VRK2: variants seen among roughly 807,000 people sequenced by gnomAD.
VRK2 encodes serine/threonine-protein kinase VRK2.
A neutral mutation model predicts 57.6 loss-of-function variants in VRK2; 60 were observed. The observed-to-expected ratio is 1.04, with a 90% CI of 0.85 to 1.29. The LOEUF is 1.29. Ranked by LOEUF, VRK2 falls within the 50% of genes most tolerant of loss-of-function variation. The pLI, the probability that VRK2 is intolerant of heterozygous loss-of-function variation, is 0.00. For missense variants in VRK2, 705 were observed against 588.1 expected (o/e 1.20, Z -2.06); for synonymous variants, 231 against 199.2 (o/e 1.16, Z -1.35).
chr2:58,026,325 A>G (rs535640094), intron 2 of VRK2, among the ~76,000 whole-genome samples: 3 of 152,062 alleles, frequency 2.0e-5, no homozygotes, highest in African/African-American at 7.2e-5. Flanking sequence ...TGAGAAAGAG[A>G]AAGTGAGGGA....
intron 3 of VRK2, among the ~76,000 whole-genome samples, chr2:58,035,041 T>C (rs576042188): frequency 6.6e-6 from 1 of 152,108 alleles, no homozygotes; most frequent in Admixed American, 6.6e-5. Flanking sequence ...TTGGTATTAA[T>C]TGGTTAGTAT....
At chr2:57,990,392 G>A (rs1672726081) in intron 1 of VRK2, among the ~76,000 whole-genome samples, 1 of 152,160 alleles carries the variant, frequency 6.6e-6, no homozygotes, top group South Asian at 2.1e-4. Context: ...AACATGACCT[G>A]TCTTGTACTG....
intron 1 of VRK2, among the ~76,000 whole-genome samples, chr2:57,914,150 G>T (rs575629199): frequency 6.6e-6 from 1 of 151,886 alleles, no homozygotes; most frequent in African/African-American, 2.4e-5. Context: ...AAATATATGT[G>T]CACAATTAAA....
chr2:58,051,163 A>G (rs1675681237), intron 2 of VRK2, among the ~76,000 whole-genome samples: 1 of 151,992 alleles, frequency 6.6e-6, no homozygotes, highest in Admixed American at 6.6e-5. Context: ...TTTTTTTATT[A>G]CCAAAATAAT....
At chr2:57,986,046 T>A (rs1315383699) in intron 1 of VRK2, among the ~76,000 whole-genome samples, 1 of 152,084 alleles carries the variant, frequency 6.6e-6, no homozygotes, top group African/African-American at 2.4e-5. Flanking sequence ...TGTAACCTAC[T>A]TAAAAAGATT....
At chr2:58,011,048 A>T (rs890061557) in intron 1 of VRK2, among the ~76,000 whole-genome samples, 1 of 152,176 alleles carries the variant, frequency 6.6e-6, no homozygotes, top group Non-Finnish European at 1.5e-5. Context: ...CATACCTTGG[A>T]GGTCAGGTGC....
chr2:58,103,606 A>C (rs1038599260), intron 7 of VRK2, among the ~76,000 whole-genome samples: 6 of 151,566 alleles, frequency 4.0e-5, no homozygotes, highest in African/African-American at 9.7e-5. Flanking sequence ...GTAATAGAAA[A>C]ATCTTAACAA....
intron 1 of VRK2, among the ~76,000 whole-genome samples, chr2:57,965,845 C>A (rs1671900695): frequency 6.6e-6 from 1 of 152,000 alleles, no homozygotes; most frequent in Admixed American, 6.6e-5. Flanking sequence ...TTGGTCATAC[C>A]CTTATATAGC....
In VRK2 at chr2:58,146,314, A is replaced by C; in HGVS notation, c.1024-2A>C. On this transcript the variant is annotated splice_acceptor_variant, in intron 11 of 12. Coordinates refer to ENST00000340157, the MANE Select transcript of VRK2 (RefSeq NM_006296.7). LOFTEE classifies it high-confidence loss of function. Reference sequence around the variant, plus strand: ...ATATTATTACTTACTCTATACCAACAGGTTGATTCACAAAAGGCTGCAACA... The same window carrying C: ...ATATTATTACTTACTCTATACCAACCGGTTGATTCACAAAAGGCTGCAACA... 1 of 1,606,582 alleles carries C rather than the reference A, an allele frequency of 6.2e-7. No homozygotes were observed. Among genetic ancestry groups the C allele is most frequent in the Non-Finnish European group, 8.5e-7 (1 of 1,176,166 alleles).
chr2:57,961,893 A>G (rs1196708426), intron 1 of VRK2, among the ~76,000 whole-genome samples: 1 of 152,098 alleles, frequency 6.6e-6, no homozygotes, highest in Non-Finnish European at 1.5e-5. Context: ...GCCTGGCAAC[A>G]TGGTGAAACC....
intron 11 of VRK2, among the ~76,000 whole-genome samples, chr2:58,141,213 C>T (rs994637869): frequency 2.6e-5 from 4 of 151,954 alleles, no homozygotes; most frequent in African/African-American, 9.7e-5. Flanking sequence ...CAATAATGGT[C>T]ACCACTTAAT....
chr2:58,044,809 G>A (rs1674616072), upstream of VRK2, among the ~76,000 whole-genome samples: 1 of 152,162 alleles, frequency 6.6e-6, no homozygotes, highest in Non-Finnish European at 1.5e-5. Flanking sequence ...TTGGGGAGTG[G>A]GAGTGCATAA....
At chr2:57,951,526 A>C (rs1472395557) in intron 1 of VRK2, among the ~76,000 whole-genome samples, 1 of 152,186 alleles carries the variant, frequency 6.6e-6, no homozygotes, top group African/African-American at 2.4e-5. Flanking sequence ...TGGAGGTAAA[A>C]TGCTATCAAA....
At chr2:57,954,364 C>A (rs946726072) in intron 1 of VRK2, among the ~76,000 whole-genome samples, 1 of 151,956 alleles carries the variant, frequency 6.6e-6, no homozygotes, top group Non-Finnish European at 1.5e-5. Flanking sequence ...CTCATCCAAC[C>A]CCTTCAGTTT....
chr2:58,064,619 C>T (rs1668376537), intron 2 of VRK2, among the ~76,000 whole-genome samples: 1 of 152,016 alleles, frequency 6.6e-6, no homozygotes, highest in Non-Finnish European at 1.5e-5. Context: ...TGGCAATATT[C>T]ATTTTATTGC....
At chr2:57,926,233 T>C (rs1487287240) in intron 1 of VRK2, among the ~76,000 whole-genome samples, 1 of 151,948 alleles carries the variant, frequency 6.6e-6, no homozygotes, top group East Asian at 1.9e-4. Context: ...ATATATCTGC[T>C]AGGTCATCTT....
chr2:58,032,581 T>C (rs1422992445), intron 2 of VRK2, among the ~76,000 whole-genome samples: 2 of 150,896 alleles, frequency 1.3e-5, no homozygotes, highest in Non-Finnish European at 3.0e-5. Flanking sequence ...CCATCCTTTC[T>C]CAATTGTACC....
chr2:58,093,655 G>A (rs1672698859), intron 7 of VRK2, among the ~76,000 whole-genome samples: 1 of 152,014 alleles, frequency 6.6e-6, no homozygotes, highest in African/African-American at 2.4e-5. Flanking sequence ...CTGTGCAGAA[G>A]CTCTTTAGTT....
At chr2:58,147,271 C>A in intron 12 of VRK2, 1 of 472,684 alleles carries the variant, frequency 2.1e-6, no homozygotes, top group Non-Finnish European at 4.3e-6. Context: ...CTTCAGCCAG[C>A]CAACAAGCCT....
Sources: allele counts gnomAD v4.1 joint callset (sites outside exome capture counted in the v4.1 genomes callset), GRCh38; gene constraint gnomAD v4.1.1; transcripts MANE v1.5; gene names NCBI Gene and HGNC (gene_info 2026-07-23, HGNC 2026-07-21).